NDUFAF2: variants seen among roughly 807,000 people sequenced by gnomAD.
The protein encoded by NDUFAF2 is NADH dehydrogenase [ubiquinone] 1 alpha subcomplex assembly factor 2.
In NDUFAF2, 13 loss-of-function variants were observed where a neutral mutation model predicts 22.8. The ratio of observed to expected loss-of-function variants is 0.57; its 90% CI spans 0.37 to 0.91. The LOEUF (loss-of-function observed/expected upper bound fraction) is 0.91. Among genes scored for constraint, NDUFAF2 ranks in the 40% least tolerant of loss-of-function variants. The pLI is 0.01. For missense variants in NDUFAF2, 162 were observed against 195.2 expected (o/e 0.83, Z 1.01); for synonymous variants, 53 against 64.2 (o/e 0.83, Z 0.84).
At chr5:60,986,929 T>C (rs1751088128) in intron 1 of NDUFAF2, among the ~76,000 whole-genome samples, 1 of 147,736 alleles carries the variant, frequency 6.8e-6, no homozygotes. Flanking sequence ...TGTGAGACTC[T>C]TTTGTCTCAA....
chr5:61,114,803 G>T (rs1045562661), intron 3 of NDUFAF2: 2 of 152,152 alleles, frequency 1.3e-5, no homozygotes, highest in Non-Finnish European at 2.9e-5. Context: ...ACTTGTAGAA[G>T]TATTGTCTTG....
intron 1 of NDUFAF2, among the ~76,000 whole-genome samples, chr5:61,032,060 T>C (rs957765516): frequency 1.3e-5 from 2 of 152,194 alleles, no homozygotes; most frequent in African/African-American, 4.8e-5. Context: ...CTTTGCCCAC[T>C]TTTTGATGAG....
chr5:61,146,823 C>T (rs971961968), intron 3 of NDUFAF2, among the ~76,000 whole-genome samples: 1 of 152,090 alleles, frequency 6.6e-6, no homozygotes, highest in African/African-American at 2.4e-5. Flanking sequence ...CATTTTTTAG[C>T]CCTTTTTTAA....
chr5:61,037,407 G>C (rs1751813515), intron 1 of NDUFAF2, among the ~76,000 whole-genome samples: 1 of 152,148 alleles, frequency 6.6e-6, no homozygotes, highest in African/African-American at 2.4e-5. Context: ...CTCATACAAA[G>C]TTAATGAGAG....
chr5:61,041,258 C>T (rs577887669), intron 1 of NDUFAF2, among the ~76,000 whole-genome samples: 1 of 152,172 alleles, frequency 6.6e-6, no homozygotes, highest in Admixed American at 6.5e-5. Flanking sequence ...ATTCTTATCT[C>T]AATGTAAACA....
At position 61,073,330 on chromosome 5, in the gene NDUFAF2, CTGAA is replaced by C. The variant is rs1752325621; in HGVS notation, c.217+119_217+122del. 5.0e-6 allele frequency: 4 copies of C among 793,848 alleles called. No individual in the cohort carries two copies. In the Admixed American group the frequency reaches 8.5e-5, roughly 17 times the overall value. 49.2% of individuals were successfully genotyped at this position (793,848 alleles called of 1,614,324 possible). On this transcript the variant is annotated intron_variant, in intron 2 of 3. Transcript: ENST00000296597. Reference sequence around the variant, plus strand: ...TCTCTTTGCAAAAAAGTTTTAGTGTCTGAATGTTTGAAACTTTGTTTTTTTAACA... The same window carrying C: ...TCTCTTTGCAAAAAAGTTTTAGTGTCTGTTTGAAACTTTGTTTTTTTAACA...
intron 1 of NDUFAF2, among the ~76,000 whole-genome samples, chr5:60,949,215 C>G (rs1750508049): frequency 6.6e-6 from 1 of 152,160 alleles, no homozygotes; most frequent in South Asian, 2.1e-4. Flanking sequence ...TACAATCTCT[C>G]CTCATCCCTA....
intron 1 of NDUFAF2, among the ~76,000 whole-genome samples, chr5:61,000,642 C>T (rs139701124): frequency 2.1e-5 from 2 of 95,160 alleles, no homozygotes; most frequent in East Asian, 9.8e-4. Flanking sequence ...GGCTCTCTTT[C>T]GGTTCTCATT....
intron 3 of NDUFAF2, among the ~76,000 whole-genome samples, chr5:61,099,846 C>G (rs1752685669): frequency 1.3e-5 from 2 of 152,056 alleles, no homozygotes; most frequent in African/African-American, 2.4e-5. Context: ...TACTACAAGC[C>G]CTGATGACAA....
chr5:60,984,575 A>G (rs1751041864), intron 1 of NDUFAF2, among the ~76,000 whole-genome samples: 1 of 152,198 alleles, frequency 6.6e-6, no homozygotes, highest in Non-Finnish European at 1.5e-5. Context: ...ACGTCCCATC[A>G]ATACCTAATT....
At chr5:60,977,275 A>G (rs1750915278) in intron 1 of NDUFAF2, among the ~76,000 whole-genome samples, 1 of 151,934 alleles carries the variant, frequency 6.6e-6, no homozygotes, top group African/African-American at 2.4e-5. Flanking sequence ...AAAAAATACA[A>G]AACATTAGCT....
intron 1 of NDUFAF2, among the ~76,000 whole-genome samples, chr5:60,984,567 G>T (rs75885473): frequency 9.2e-5 from 14 of 151,818 alleles, no homozygotes; most frequent in Admixed American, 9.2e-4. Flanking sequence ...TTTGAGATAC[G>T]TCCCATCAAT....
intron 1 of NDUFAF2, among the ~76,000 whole-genome samples, chr5:60,977,847 AAAAAAG>A (rs1234178733): frequency 6.6e-6 from 1 of 151,740 alleles, no homozygotes; most frequent in African/African-American, 2.4e-5. Flanking sequence ...AAAAAAAAAA[AAAAAAG>A]AAAAGAAGCC....
intron 2 of NDUFAF2, among the ~76,000 whole-genome samples, chr5:61,076,871 C>T (rs1349767185): frequency 1.3e-5 from 2 of 152,144 alleles, no homozygotes; most frequent in African/African-American, 4.8e-5. Context: ...CATTCCGGAT[C>T]TGTGGTAAAA....
intron 1 of NDUFAF2, among the ~76,000 whole-genome samples, chr5:60,972,169 C>G (rs1317427026): frequency 6.6e-6 from 1 of 151,746 alleles, no homozygotes; most frequent in Non-Finnish European, 1.5e-5. Context: ...TTTCAAACTC[C>G]TGACCTCGTG....
At chr5:61,038,908 A>T (rs1333890235) in intron 1 of NDUFAF2, among the ~76,000 whole-genome samples, 4 of 151,262 alleles carry the variant, frequency 2.6e-5, no homozygotes, top group Non-Finnish European at 5.9e-5. Flanking sequence ...TCTTCTTTGC[A>T]TGAATGCTTT....
chr5:60,980,831 G>T (rs1265207108), intron 1 of NDUFAF2, among the ~76,000 whole-genome samples: 1 of 151,988 alleles, frequency 6.6e-6, no homozygotes, highest in Non-Finnish European at 1.5e-5. Flanking sequence ...CAGCAAAAAT[G>T]ATCAAGCAGA....
intron 1 of NDUFAF2, among the ~76,000 whole-genome samples, chr5:61,020,807 T>C (rs2112603541): frequency 6.6e-6 from 1 of 152,246 alleles, no homozygotes; most frequent in East Asian, 1.9e-4. Context: ...GTGATTCTCC[T>C]GCCTCAGCCT....
intron 1 of NDUFAF2, among the ~76,000 whole-genome samples, chr5:60,964,007 T>C (rs1349031714): frequency 6.6e-6 from 1 of 152,216 alleles, no homozygotes; most frequent in East Asian, 1.9e-4. Context: ...CCAGGGTTTT[T>C]AGCAAAGGAG....
Sources: gnomAD v4.1 joint callset for allele counts (sites outside exome capture counted in the v4.1 genomes callset) on GRCh38, gnomAD v4.1.1 for gene constraint, MANE v1.5 for transcripts, NCBI Gene and HGNC (gene_info 2026-07-23, HGNC 2026-07-21) for gene names.